The following RERG variants were observed in gnomAD, a reference collection of about 807,000 sequenced individuals.
RERG encodes the protein ras-related and estrogen-regulated growth inhibitor.
Under a neutral mutation model 23.2 loss-of-function variants are expected in RERG, and 25 were observed. The ratio of observed to expected loss-of-function variants is 1.08; its 90% CI spans 0.79 to 1.50. The LOEUF is 1.50. Ranked by LOEUF, RERG falls within the 40% of genes most tolerant of loss-of-function variation. The pLI, the probability that RERG is intolerant of heterozygous loss-of-function variation, is 0.00. For synonymous variants in RERG, 81 were observed against 89.1 expected (o/e 0.91, Z 0.51); for missense variants, 253 against 250.1 (o/e 1.01, Z -0.08).
chr12:15,213,220 T>C (rs1865393113), intron 2 of RERG, among the ~76,000 whole-genome samples: 2 of 152,258 alleles, frequency 1.3e-5, no homozygotes, highest in East Asian at 1.9e-4. Context: ...GTTGTTTCTC[T>C]ATCAGCCCCC....
intron 2 of RERG, among the ~76,000 whole-genome samples, chr12:15,212,078 A>T (rs1019271650): frequency 3.0e-5 from 2 of 66,860 alleles, no homozygotes; most frequent in East Asian, 3.8e-4. Context: ...TTTGAGACGG[A>T]GTCTCGCTCT....
intron 2 of RERG, among the ~76,000 whole-genome samples, chr12:15,158,088 A>G (rs1591651891): frequency 6.6e-6 from 1 of 152,190 alleles, no homozygotes; most frequent in African/African-American, 2.4e-5. Flanking sequence ...AATTATCAAT[A>G]TCAGAAAATT....
intron 3 of RERG, among the ~76,000 whole-genome samples, chr12:15,116,592 G>A (rs539777993): frequency 2.7e-4 from 41 of 152,034 alleles, no homozygotes; most frequent in African/African-American, 9.7e-4. Context: ...TTTGTCTAAG[G>A]TGAATACTGG....
chr12:15,219,608 CA>C (rs1865487798), intron 1 of RERG, among the ~76,000 whole-genome samples: 1 of 152,128 alleles, frequency 6.6e-6, no homozygotes. Flanking sequence ...TTTTAAGGTT[CA>C]GGGCTTCATC....
intron 2 of RERG, among the ~76,000 whole-genome samples, chr12:15,182,503 A>G (rs971921733): frequency 6.6e-6 from 1 of 152,148 alleles, no homozygotes. Flanking sequence ...AAATAATCGA[A>G]TATTGACTCA....
intron 2 of RERG, among the ~76,000 whole-genome samples, chr12:15,190,499 G>A (rs1038258758): frequency 1.3e-5 from 2 of 152,140 alleles, no homozygotes; most frequent in Admixed American, 1.3e-4. Context: ...AATGGGTTAT[G>A]TACACAACAT....
chr12:15,191,521 C>T (rs1159246860), intron 2 of RERG, among the ~76,000 whole-genome samples: 2 of 152,182 alleles, frequency 1.3e-5, no homozygotes, highest in South Asian at 2.1e-4. Flanking sequence ...TAGCTGCCAT[C>T]GTATTTAGGT....
chr12:15,156,562 T>C (rs935828466), intron 2 of RERG, among the ~76,000 whole-genome samples: 2 of 152,228 alleles, frequency 1.3e-5, no homozygotes, highest in African/African-American at 4.8e-5. Flanking sequence ...GAAGTAACAT[T>C]GTGAGTATCA....
chr12:15,201,570 T>C (rs1400612128), intron 2 of RERG, among the ~76,000 whole-genome samples: 1 of 149,306 alleles, frequency 6.7e-6, no homozygotes, highest in Admixed American at 6.7e-5. Flanking sequence ...TTAATAATAA[T>C]AATTAGCTAA....
chr12:15,159,199 G>A (rs892247586), intron 2 of RERG, among the ~76,000 whole-genome samples: 2 of 151,894 alleles, frequency 1.3e-5, no homozygotes, highest in Admixed American at 1.3e-4. Flanking sequence ...TTGTTCAATG[G>A]ATTGTAATCC....
At chr12:15,134,434 T>C (rs1476243440) in intron 2 of RERG, among the ~76,000 whole-genome samples, 1 of 152,080 alleles carries the variant, frequency 6.6e-6, no homozygotes, top group Admixed American at 6.6e-5. Context: ...TGTGGGTCGA[T>C]TTCTGATTTC....
chr12:15,143,418 T>C (rs1864274873), intron 2 of RERG, among the ~76,000 whole-genome samples: 1 of 152,148 alleles, frequency 6.6e-6, no homozygotes, highest in African/African-American at 2.4e-5. Context: ...TAAACACACA[T>C]ATGTAATAAT....
chr12:15,192,906 C>T (rs1865091162), intron 2 of RERG, among the ~76,000 whole-genome samples: 1 of 152,178 alleles, frequency 6.6e-6, no homozygotes, highest in African/African-American at 2.4e-5. Flanking sequence ...ACGTGCCCTT[C>T]TCAGTGCATC....
At position 15,205,984 on chromosome 12, in the gene RERG, G is replaced by C. The variant is rs1451600464; in HGVS notation, c.61+11445C>G. ...AAGACTTAACTATATGGAGCGAGGTGTCAATAACTCAAGGTTATGGGTTCA... is the reference window on the plus strand; with the variant it reads ...AAGACTTAACTATATGGAGCGAGGTCTCAATAACTCAAGGTTATGGGTTCA... On this transcript the variant is annotated intron_variant, in intron 2 of 4. Coordinates refer to ENST00000256953, the MANE Select transcript of RERG (RefSeq NM_032918.3). Among the ~76,000 whole-genome samples the C allele has an allele frequency of 2.6e-5, 4 of 152,024 alleles. No homozygotes were observed. In the South Asian group the frequency reaches 8.3e-4, roughly 31 times the overall value.
At chr12:15,189,968 T>G (rs1206085376) in intron 2 of RERG, among the ~76,000 whole-genome samples, 2 of 152,182 alleles carry the variant, frequency 1.3e-5, no homozygotes, top group Non-Finnish European at 2.9e-5. Flanking sequence ...TAATTCTCTA[T>G]CCATTTCTAG....
chr12:15,214,699 G>C (rs1186996892), intron 2 of RERG, among the ~76,000 whole-genome samples: 1 of 152,174 alleles, frequency 6.6e-6, no homozygotes, highest in Non-Finnish European at 1.5e-5. Context: ...TGTTGCATAT[G>C]AGCCAGGTGT....
intron 2 of RERG, among the ~76,000 whole-genome samples, chr12:15,160,253 G>A (rs543260161): frequency 1.3e-5 from 2 of 151,906 alleles, no homozygotes; most frequent in African/African-American, 4.8e-5. Context: ...TATATTTCAC[G>A]AATTCTAAGT....
intron 2 of RERG, among the ~76,000 whole-genome samples, chr12:15,162,484 ATT>A (rs1322750417): frequency 6.6e-6 from 1 of 152,192 alleles, no homozygotes; most frequent in African/African-American, 2.4e-5. Context: ...GTCCTATAGC[ATT>A]GTTTTTATGA....
Position 15,121,068 on chromosome 12 carries a change from G to T in RERG, c.113C>A (p.Thr38Asn), listed in dbSNP as rs1027566163. The change falls in exon 3 of 5, where the codon ACC becomes AAC. Residue 38 changes from threonine to asparagine, a missense_variant. Transcript: ENST00000256953. ...TKRFIWEYDP[T>N]LESTYRHQAT... is the part of the protein sequence containing the mutation. ...GGAAACAAAATTTGACCTACCGAGG[G>T]TGGGATCATATTCCCAGATGAACCG... is the stretch of plus-strand genomic sequence containing the variant. The T allele has an allele frequency of 6.2e-7, 1 of 1,610,476 alleles. No homozygotes were observed. The highest frequency in any genetic ancestry group is 8.5e-7 in the Non-Finnish European group (1 of 1,177,012).
Sources: allele counts gnomAD v4.1 joint callset (sites outside exome capture counted in the v4.1 genomes callset), GRCh38; gene constraint gnomAD v4.1.1; transcripts MANE v1.5; gene names NCBI Gene and HGNC (gene_info 2026-07-23, HGNC 2026-07-21).